FLRT2: variants seen among roughly 807,000 people sequenced by gnomAD.
FLRT2 encodes the protein fibronectin leucine rich transmembrane protein 2.
In FLRT2, 15 loss-of-function variants were observed where a neutral mutation model predicts 40.0. The ratio of observed to expected loss-of-function variants is 0.38; its 90% CI spans 0.25 to 0.58. FLRT2 has a LOEUF of 0.58. Among genes scored for constraint, FLRT2 ranks in the 20% least tolerant of loss-of-function variants. The pLI is 0.71. For missense variants in FLRT2, 726 were observed against 840.0 expected (o/e 0.86, Z 1.68); for synonymous variants, 380 against 336.8 (o/e 1.13, Z -1.41).
intron 1 of FLRT2, among the ~76,000 whole-genome samples, chr14:85,605,540 G>A (rs891781596): frequency 6.6e-6 from 1 of 152,184 alleles, no homozygotes; most frequent in Non-Finnish European, 1.5e-5. Flanking sequence ...GGAGGCCGAG[G>A]CGGACAGATC....
At chr14:85,573,168 T>C (rs1890972309) in intron 1 of FLRT2, among the ~76,000 whole-genome samples, 1 of 151,970 alleles carries the variant, frequency 6.6e-6, no homozygotes. Flanking sequence ...GAGGGATGGG[T>C]GGCAAGTTAT....
chr14:85,607,222 GA>G (rs1566752981), intron 1 of FLRT2, among the ~76,000 whole-genome samples: 1 of 152,078 alleles, frequency 6.6e-6, no homozygotes, highest in Non-Finnish European at 1.5e-5. Flanking sequence ...TCTAATGGGG[GA>G]TTGAGCAAGT....
intron 1 of FLRT2, among the ~76,000 whole-genome samples, chr14:85,564,732 G>C (rs1233497796): frequency 1.3e-5 from 2 of 152,180 alleles, no homozygotes; most frequent in East Asian, 3.9e-4. Flanking sequence ...GAAACAAACT[G>C]TATGTAATGT....
intron 1 of FLRT2, among the ~76,000 whole-genome samples, chr14:85,590,908 C>T (rs1056074434): frequency 7.2e-5 from 11 of 152,076 alleles, no homozygotes; most frequent in African/African-American, 2.7e-4. Flanking sequence ...AATTGCTCAC[C>T]TCTCTTTCCT....
chr14:85,535,677 TA>T (rs1888603235), intron 1 of FLRT2, among the ~76,000 whole-genome samples: 1 of 148,374 alleles, frequency 6.7e-6, no homozygotes, highest in East Asian at 2.0e-4. Flanking sequence ...AGGATAGGGT[TA>T]AACCATTTAG....
chr14:85,543,233 T>C (rs1027991539), intron 1 of FLRT2, among the ~76,000 whole-genome samples: 1 of 152,192 alleles, frequency 6.6e-6, no homozygotes, highest in Non-Finnish European at 1.5e-5. Context: ...GCTCCCATTA[T>C]TGGAAATCAC....
rs57903364 is a variant in FLRT2 at position 85,647,266 on chromosome 14, A to G, written c.*23769A>G. ...GACATACTTATTTTACCTTTGCTTA[A>G]TATGCCTTATAGTTTACTAACTTAC... is the stretch of plus-strand genomic sequence containing the variant. On this transcript the variant is annotated 3_prime_UTR_variant, in exon 2 of 2. Coordinates refer to ENST00000330753, the MANE Select transcript of FLRT2 (RefSeq NM_013231.6). 2.0e-5 allele frequency: 3 copies of G among 152,288 alleles called. No individual in the cohort carries two copies. In the South Asian group the frequency reaches 6.2e-4, roughly 32 times the overall value. 9.4% of individuals were successfully genotyped at this position (152,288 alleles called of 1,614,324 possible).
intron 1 of FLRT2, chr14:85,562,788 T>C (rs928552403): frequency 6.6e-6 from 1 of 152,066 alleles, no homozygotes; most frequent in African/African-American, 2.4e-5. Context: ...TATTGAACAG[T>C]ATAAACAACA....
intron 1 of FLRT2, among the ~76,000 whole-genome samples, chr14:85,577,704 A>G (rs1295739957): frequency 6.6e-6 from 1 of 151,838 alleles, no homozygotes; most frequent in African/African-American, 2.4e-5. Flanking sequence ...CTCCTGCCTC[A>G]GTCTCTCGAG....
chr14:85,582,361 A>T (rs1019987781), intron 1 of FLRT2, among the ~76,000 whole-genome samples: 1 of 152,174 alleles, frequency 6.6e-6, no homozygotes. Flanking sequence ...AAGAGGTAGA[A>T]ATTACTTGTT....
At chr14:85,556,903 A>T (rs957125581) in intron 1 of FLRT2, among the ~76,000 whole-genome samples, 10 of 152,190 alleles carry the variant, frequency 6.6e-5, no homozygotes, top group Non-Finnish European at 1.3e-4. Context: ...ACAGTTCCAC[A>T]TGGCTGGGGA....
intron 1 of FLRT2, among the ~76,000 whole-genome samples, chr14:85,597,051 C>G (rs1179649469): frequency 6.6e-6 from 1 of 152,162 alleles, no homozygotes; most frequent in Non-Finnish European, 1.5e-5. Flanking sequence ...CCAGCATTTG[C>G]TATCCAAGTT....
rs1893740772 is a variant in FLRT2 at position 85,627,577 on chromosome 14, T to TGC, written c.*4080_*4081insGC. The TGC allele has an allele frequency of 6.2e-6, 1 of 161,786 alleles. No homozygotes were observed. Among genetic ancestry groups the TGC allele is most frequent in the African/African-American group, 2.5e-5 (1 of 40,732 alleles). The allele number at this position is 161,786 out of a possible 1,614,324, so 10.0% of individuals were successfully genotyped here. On this transcript the variant is annotated 3_prime_UTR_variant, in exon 2 of 2. Coordinates refer to ENST00000330753, the MANE Select transcript of FLRT2 (RefSeq NM_013231.6). ...TTATTATCAAACATGCACATGCTTG[T>TGC]ACACACACACACACACACACACAAA...
Position 85,633,155 on chromosome 14 carries a change from A to C in FLRT2, c.*9658A>C, listed in dbSNP as rs1347153711. ...ATCTATTTAAAGGTAATTAGCATTC[A>C]AAATTCCTCAAAACACTCAATAATT... On this transcript the variant is annotated 3_prime_UTR_variant, in exon 2 of 2. Transcript: ENST00000330753. 1 of 152,222 alleles carries C rather than the reference A, an allele frequency of 6.6e-6. No homozygotes were observed. The highest frequency in any genetic ancestry group is 1.5e-5 in the Non-Finnish European group (1 of 68,034). The allele number at this position is 152,222 out of a possible 1,614,324, so 9.4% of individuals were successfully genotyped here.
intron 1 of FLRT2, among the ~76,000 whole-genome samples, chr14:85,543,883 CTGTT>C (rs1413128274): frequency 2.0e-5 from 3 of 152,100 alleles, no homozygotes; most frequent in African/African-American, 7.2e-5. Flanking sequence ...GATTGGTTCT[CTGTT>C]TATATTGTAT....
chr14:85,532,363 G>A (rs1888339857), intron 1 of FLRT2, among the ~76,000 whole-genome samples: 1 of 152,236 alleles, frequency 6.6e-6, no homozygotes, highest in African/African-American at 2.4e-5. Flanking sequence ...ACTGGAGGCA[G>A]GAAGAGCAGC....
At chr14:85,548,685 C>A (rs1271818741) in intron 1 of FLRT2, among the ~76,000 whole-genome samples, 1 of 152,132 alleles carries the variant, frequency 6.6e-6, no homozygotes, top group African/African-American at 2.4e-5. Flanking sequence ...TGATTGTATT[C>A]TTTTTAAAAA....
chr14:85,599,238 T>C (rs1419871525), intron 1 of FLRT2, among the ~76,000 whole-genome samples: 1 of 93,772 alleles, frequency 1.1e-5, no homozygotes, highest in Non-Finnish European at 2.2e-5. Context: ...TTTTTTTTTT[T>C]TTCAAGGTGA....
intron 1 of FLRT2, among the ~76,000 whole-genome samples, chr14:85,606,704 T>C (rs901904196): frequency 6.6e-6 from 1 of 151,214 alleles, no homozygotes; most frequent in Non-Finnish European, 1.5e-5. Context: ...TTTGTATTTT[T>C]AGTGGAGACA....
Sources: gnomAD v4.1 joint callset for allele counts (sites outside exome capture counted in the v4.1 genomes callset) on GRCh38, gnomAD v4.1.1 for gene constraint, MANE v1.5 for transcripts, NCBI Gene and HGNC (gene_info 2026-07-23, HGNC 2026-07-21) for gene names.